The following RBMS3 variants were observed in gnomAD, a reference collection of about 807,000 sequenced individuals.
RBMS3 encodes RNA-binding motif, single-stranded-interacting protein 3.
RBMS3 carries 27 observed loss-of-function variants against 66.8 expected under a neutral mutation model. The observed-to-expected ratio is 0.40, with a 90% confidence interval of 0.30 to 0.56. RBMS3 has a LOEUF of 0.56. Among genes scored for constraint, RBMS3 ranks in the 20% least tolerant of loss-of-function variants. RBMS3 has a pLI of 0.40. For synonymous variants in RBMS3, 188 were observed against 183.0 expected, an observed-to-expected ratio of 1.03 and a Z score of -0.22; for missense variants, 513 against 549.5, an observed-to-expected ratio of 0.93 and a Z score of 0.66.
intron 5 of RBMS3, among the ~76,000 whole-genome samples, chr3:29,740,744 A>G (rs2054600595): frequency 1.3e-5 from 2 of 152,172 alleles, no homozygotes; most frequent in African/African-American, 4.8e-5. Context: ...CATTGCAGAC[A>G]AGTTTGTTCA....
intron 8 of RBMS3, among the ~76,000 whole-genome samples, chr3:29,885,597 A>C (rs1353649383): frequency 6.6e-6 from 1 of 151,962 alleles, no homozygotes; most frequent in Non-Finnish European, 1.5e-5. Flanking sequence ...TTTCAAATGA[A>C]TACATGTGAT....
chr3:29,366,067 T>A (rs2125591415), intron 1 of RBMS3, among the ~76,000 whole-genome samples: 1 of 152,304 alleles, frequency 6.6e-6, no homozygotes, highest in African/African-American at 2.4e-5. Flanking sequence ...TTGAACCAAC[T>A]TTAAGCTTTA....
chr3:29,968,848 GT>G (rs1697038927), intron 12 of RBMS3, among the ~76,000 whole-genome samples: 4 of 152,216 alleles, frequency 2.6e-5, no homozygotes, highest in Admixed American at 2.6e-4. Context: ...CTGCAATCTA[GT>G]TCTGCCTTCC....
At chr3:29,584,148 A>G (rs2047427925) in intron 3 of RBMS3, among the ~76,000 whole-genome samples, 1 of 152,132 alleles carries the variant, frequency 6.6e-6, no homozygotes, top group Admixed American at 6.5e-5. Context: ...GTTTCTAAAG[A>G]CACTGGGCAT....
intron 4 of RBMS3, among the ~76,000 whole-genome samples, chr3:29,654,036 T>G (rs1213122169): frequency 6.6e-6 from 1 of 152,216 alleles, no homozygotes; most frequent in Non-Finnish European, 1.5e-5. Context: ...TGAGTGGAAT[T>G]TATTCCCTTC....
chr3:29,368,086 ATTG>A (rs1160975476), intron 1 of RBMS3, among the ~76,000 whole-genome samples: 1 of 152,196 alleles, frequency 6.6e-6, no homozygotes, highest in Admixed American at 6.6e-5. Context: ...TAGTCAGATA[ATTG>A]TAAAATGTGT....
chr3:29,529,347 C>T (rs981535995), intron 3 of RBMS3, among the ~76,000 whole-genome samples: 1 of 151,818 alleles, frequency 6.6e-6, no homozygotes, highest in African/African-American at 2.4e-5. Context: ...TAGTTTATGG[C>T]CATGGGGGCA....
chr3:29,537,706 C>A (rs1010413948), intron 3 of RBMS3: 2 of 151,888 alleles, frequency 1.3e-5, no homozygotes, highest in Non-Finnish European at 2.9e-5. Flanking sequence ...GCCTTTAGTC[C>A]CAGCTGCTGG....
intron 6 of RBMS3, among the ~76,000 whole-genome samples, chr3:29,850,315 G>A (rs1469932886): frequency 6.6e-6 from 1 of 152,076 alleles, no homozygotes; most frequent in Non-Finnish European, 1.5e-5. Context: ...CTTTATACTT[G>A]ACTTCTTGAT....
At chr3:29,648,127 C>T (rs1043184277) in intron 4 of RBMS3, among the ~76,000 whole-genome samples, 8 of 152,048 alleles carry the variant, frequency 5.3e-5, no homozygotes, top group African/African-American at 1.9e-4. Context: ...TGATGTTGTC[C>T]CTTGCTCCTT....
At chr3:29,634,225 ATGT>A (rs1355843522) in intron 4 of RBMS3, among the ~76,000 whole-genome samples, 3 of 151,922 alleles carry the variant, frequency 2.0e-5, no homozygotes, top group Non-Finnish European at 4.4e-5. Context: ...GAAGTACAGC[ATGT>A]TGTCTCAACA....
intron 1 of RBMS3, among the ~76,000 whole-genome samples, chr3:29,302,310 C>T (rs780313970): frequency 4.6e-5 from 7 of 151,956 alleles, no homozygotes; most frequent in South Asian, 2.1e-4. Context: ...CAGTGCCTGA[C>T]CTGTTGAAAT....
intron 2 of RBMS3, among the ~76,000 whole-genome samples, chr3:29,462,159 T>A (rs1003350325): frequency 1.3e-5 from 2 of 152,114 alleles, no homozygotes; most frequent in African/African-American, 4.8e-5. Context: ...AGAATTATAC[T>A]CATGGAAGGT....
chr3:29,366,290 C>A (rs1365785185), intron 1 of RBMS3, among the ~76,000 whole-genome samples: 1 of 152,070 alleles, frequency 6.6e-6, no homozygotes, highest in East Asian at 1.9e-4. Context: ...CAGACATTAC[C>A]CAAACACATA....
intron 4 of RBMS3, among the ~76,000 whole-genome samples, chr3:29,655,593 A>T (rs2050297262): frequency 6.6e-6 from 1 of 152,252 alleles, no homozygotes; most frequent in South Asian, 2.1e-4. Flanking sequence ...TTGTGCTGCC[A>T]GTCATATGAA....
intron 2 of RBMS3, among the ~76,000 whole-genome samples, chr3:29,440,708 C>T (rs893334862): frequency 3.9e-5 from 6 of 152,180 alleles, no homozygotes; most frequent in Non-Finnish European, 8.8e-5. Flanking sequence ...GCTAATCTCC[C>T]GGACTTTTAC....
chr3:29,844,171 ATAT>A (rs1283672428), intron 6 of RBMS3, among the ~76,000 whole-genome samples: 1 of 152,172 alleles, frequency 6.6e-6, no homozygotes, highest in Non-Finnish European at 1.5e-5. Flanking sequence ...GGTTATATAA[ATAT>A]TATTCTAATT....
At chr3:29,732,597 C>T (rs1009282015) in intron 4 of RBMS3, among the ~76,000 whole-genome samples, 1 of 152,062 alleles carries the variant, frequency 6.6e-6, no homozygotes, top group Non-Finnish European at 1.5e-5. Flanking sequence ...GGTGCAGTAA[C>T]TATCACCAGA....
At chr3:29,592,762 T>A (rs1185706905) in intron 4 of RBMS3, among the ~76,000 whole-genome samples, 1 of 152,096 alleles carries the variant, frequency 6.6e-6, no homozygotes, top group African/African-American at 2.4e-5. Flanking sequence ...CCAACCCAAA[T>A]GTCCATCGAT....
Sources: gnomAD v4.1 joint callset for allele counts (sites outside exome capture counted in the v4.1 genomes callset) on GRCh38, gnomAD v4.1.1 for gene constraint, MANE v1.5 for transcripts, NCBI Gene and HGNC (gene_info 2026-07-23, HGNC 2026-07-21) for gene names.